MAD1L1: variants seen among roughly 807,000 people sequenced by gnomAD.
MAD1L1 encodes the protein mitotic arrest deficient 1 like 1.
Under a neutral mutation model 96.9 loss-of-function variants are expected in MAD1L1, and 95 were observed. The ratio of observed to expected loss-of-function variants is 0.98; its 90% confidence interval spans 0.83 to 1.16. MAD1L1 has a LOEUF of 1.16. Among genes scored for constraint, MAD1L1 ranks in the 50% most tolerant of loss-of-function variants. The pLI, the probability that MAD1L1 is intolerant of heterozygous loss-of-function variation, is 0.00. For synonymous variants in MAD1L1, 473 were observed against 396.6 expected, an observed-to-expected ratio of 1.19 and a Z score of -2.29; for missense variants, 1,007 against 954.4, an observed-to-expected ratio of 1.06 and a Z score of -0.73.
chr7:2,222,040 T>G (rs895318010), intron 5 of MAD1L1, among the ~76,000 whole-genome samples: 1 of 151,170 alleles, frequency 6.6e-6, no homozygotes, highest in Admixed American at 6.6e-5. Flanking sequence ...ATCATCCATT[T>G]AAATTCATAA....
intron 11 of MAD1L1, among the ~76,000 whole-genome samples, chr7:2,112,229 C>T (rs1322186059): frequency 1.3e-5 from 2 of 152,110 alleles, no homozygotes; most frequent in Non-Finnish European, 2.9e-5. Context: ...GTGGTGGGGC[C>T]GCAAGTCAGC....
At chr7:2,133,673 T>G (rs1788621263) in intron 11 of MAD1L1, among the ~76,000 whole-genome samples, 2 of 152,164 alleles carry the variant, frequency 1.3e-5, no homozygotes, top group Non-Finnish European at 2.9e-5. Flanking sequence ...AGTTTTAAAG[T>G]TTTGTGCTTT....
chr7:2,155,962 A>C (rs1486497013), intron 10 of MAD1L1, among the ~76,000 whole-genome samples: 1 of 152,362 alleles, frequency 6.6e-6, no homozygotes, highest in East Asian at 1.9e-4. Flanking sequence ...AAAAATAAGC[A>C]AGTCCTCATA....
intron 11 of MAD1L1, among the ~76,000 whole-genome samples, chr7:2,116,181 T>A (rs892414234): frequency 2.0e-5 from 3 of 152,298 alleles, no homozygotes; most frequent in Middle Eastern, 3.4e-3. Context: ...AGCTCCAGGA[T>A]CCTCTTGTGC....
rs114050138 is a variant in MAD1L1 at position 1,839,612 on chromosome 7, C to T, written c.1999-23384G>A. Among the ~76,000 whole-genome samples the T allele has an allele frequency of 8.3e-3, 1,265 of 152,348 alleles. 20 individuals are homozygous for T. The highest frequency in any genetic ancestry group is 0.029 in the African/African-American group (1,193 of 41,572). ...ATTTCCGGCTTAGTCAAAGGAGTAA[C>T]TTTCTAACAGTTTAAACGCGCGAGA... On this transcript the variant is annotated intron_variant, in intron 18 of 18. Coordinates refer to ENST00000265854, the MANE Select transcript of MAD1L1 (RefSeq NM_001013836.2).
chr7:1,980,368 T>TC (rs1047593103), intron 15 of MAD1L1, 85 bp downstream of exon 15: 3 of 1,123,540 alleles, frequency 2.7e-6, no homozygotes, highest in African/African-American at 3.2e-5. Context: ...ATCTGCCTCC[T>TC]CCCCCGCAGG....
In MAD1L1 at chr7:1,938,840, GCACACACACACA is replaced by G. The variant is rs72439038; in HGVS notation, c.1597-1955_1597-1944del. ...ACACGGGCCAGGGCCGGGGCCAGAG[GCACACACACACA>G]CACACACACACACACACACGGACAC... On this transcript the variant is annotated intron_variant, in intron 16 of 18. Transcript: ENST00000265854. Among the ~76,000 whole-genome samples, 11 of 91,014 alleles carry G rather than the reference GCACACACACACA, an allele frequency of 1.2e-4. No individual in the cohort carries two copies. The East Asian group carries it at 3.3e-3, about 27-fold the overall frequency. 59.7% of individuals were successfully genotyped at this position (91,014 alleles called of 152,430 possible). A position where few individuals can be genotyped will look rare whatever the true frequency, so the allele number is the denominator to read the frequency against.
chr7:2,162,096 C>T (rs149248542), intron 10 of MAD1L1, among the ~76,000 whole-genome samples: 33,387 of 151,876 alleles, frequency 0.22, 3,778 homozygotes, highest in Middle Eastern at 0.35. Flanking sequence ...GTGTATCCAA[C>T]AGCTCATTGA....
chr7:2,016,615 G>A (rs1289175984), intron 12 of MAD1L1, among the ~76,000 whole-genome samples: 2 of 152,184 alleles, frequency 1.3e-5, no homozygotes, highest in African/African-American at 4.8e-5. Flanking sequence ...GGCTGCAGGG[G>A]CTCAGGAAAC....
chr7:2,015,664 T>A (rs1188617634), intron 12 of MAD1L1, among the ~76,000 whole-genome samples: 1 of 152,224 alleles, frequency 6.6e-6, no homozygotes, highest in Non-Finnish European at 1.5e-5. Flanking sequence ...TGAGTCTGGA[T>A]GGAGCAGATT....
intron 10 of MAD1L1, among the ~76,000 whole-genome samples, chr7:2,186,977 G>C (rs1416969093): frequency 6.6e-6 from 1 of 151,852 alleles, no homozygotes; most frequent in Non-Finnish European, 1.5e-5. Flanking sequence ...ATTTTTAGTA[G>C]AGACGAGGTT....
intron 17 of MAD1L1, among the ~76,000 whole-genome samples, chr7:1,931,175 G>A (rs1442043145): frequency 4.5e-5 from 5 of 110,630 alleles, no homozygotes; most frequent in Non-Finnish European, 9.8e-5. Flanking sequence ...ACGGTCACAG[G>A]AGCGAGGGCG....
At chr7:2,053,970 C>T (rs1289248265) in intron 12 of MAD1L1, among the ~76,000 whole-genome samples, 1 of 152,274 alleles carries the variant, frequency 6.6e-6, no homozygotes, top group Non-Finnish European at 1.5e-5. Context: ...TGATGACACA[C>T]CTGCCACCAG....
chr7:1,921,611 G>A (rs543919775), intron 17 of MAD1L1, among the ~76,000 whole-genome samples: 5 of 152,200 alleles, frequency 3.3e-5, no homozygotes, highest in African/African-American at 1.2e-4. Context: ...GAGCCACCGC[G>A]CCTGGCCGTG....
chr7:2,220,879 C>T (rs779396008), intron 5 of MAD1L1: 41 of 1,607,830 alleles, frequency 2.6e-5, no homozygotes, highest in Non-Finnish European at 3.2e-5. Context: ...TCAATTAATA[C>T]GCACCGTGTG....
chr7:1,859,018 T>C (rs1371636049), intron 18 of MAD1L1, among the ~76,000 whole-genome samples: 2 of 151,902 alleles, frequency 1.3e-5, no homozygotes, highest in East Asian at 3.9e-4. Context: ...TCGGCCTGCA[T>C]GGGAGAGGTG....
In MAD1L1 at chr7:1,862,542, T is replaced by G. The variant is rs145910842; in HGVS notation, c.1998+35658A>C. On this transcript the variant is annotated intron_variant, in intron 18 of 18. Coordinates refer to ENST00000265854, the MANE Select transcript of MAD1L1 (RefSeq NM_001013836.2). ...CCCAAGCTGTGTGAGTCTCTCAACC[T>G]TTCACAGTGTCAGAATCCTCTGTAC... Among the ~76,000 whole-genome samples, 266 of 152,342 alleles carry G rather than the reference T, an allele frequency of 1.7e-3. 2 individuals carry two copies. The highest frequency in any genetic ancestry group is 5.9e-3 in the African/African-American group (247 of 41,588).
intron 11 of MAD1L1, among the ~76,000 whole-genome samples, chr7:2,106,739 A>G (rs939002615): frequency 6.6e-6 from 1 of 152,208 alleles, no homozygotes; most frequent in African/African-American, 2.4e-5. Flanking sequence ...AACCTGAGAG[A>G]GGAAAGTCAC....
At chr7:1,820,527 G>C (rs1782068532) in intron 18 of MAD1L1, among the ~76,000 whole-genome samples, 1 of 152,124 alleles carries the variant, frequency 6.6e-6, no homozygotes, top group Non-Finnish European at 1.5e-5. Flanking sequence ...TGCACTTTGG[G>C]AGGCCAAGGT....
Sources: gnomAD v4.1 joint callset for allele counts (sites outside exome capture counted in the v4.1 genomes callset) on GRCh38, gnomAD v4.1.1 for gene constraint, MANE v1.5 for transcripts, NCBI Gene and HGNC (gene_info 2026-07-23, HGNC 2026-07-21) for gene names.